PTPRD: variants seen among roughly 807,000 people sequenced by gnomAD.
The protein encoded by PTPRD is protein tyrosine phosphatase receptor type D, also known as receptor-type tyrosine-protein phosphatase delta.
PTPRD carries 34 observed loss-of-function variants against 214.5 expected under a neutral mutation model. The observed-to-expected ratio is 0.16, with a 90% confidence interval of 0.12 to 0.21. The LOEUF is 0.21. PTPRD is among the 10% of genes least tolerant of loss of function. The probability of loss-of-function intolerance (pLI) is 1.00; values close to 1 mark genes in which losing one functional copy is unlikely to be tolerated. For missense variants in PTPRD, 2,545 were observed against 2,398.7 expected (o/e 1.06, Z -1.27); for synonymous variants, 1,128 against 845.7 (o/e 1.33, Z -5.79).
At chr9:9,387,147 T>C (rs1169173140) in intron 9 of PTPRD, among the ~76,000 whole-genome samples, 1 of 152,206 alleles carries the variant, frequency 6.6e-6, no homozygotes, top group African/African-American at 2.4e-5. Flanking sequence ...CAACAGTAAA[T>C]GGAACACAGT....
At chr9:9,616,592 C>T (rs1483899136) in intron 7 of PTPRD, among the ~76,000 whole-genome samples, 3 of 152,034 alleles carry the variant, frequency 2.0e-5, no homozygotes, top group Non-Finnish European at 4.4e-5. Flanking sequence ...TGATCTTATT[C>T]GTGAGGGCTG....
intron 2 of PTPRD, among the ~76,000 whole-genome samples, chr9:10,360,939 A>AC (rs1218740475): frequency 1.3e-5 from 2 of 152,030 alleles, no homozygotes; most frequent in Admixed American, 1.3e-4. Context: ...CGTCTCTACT[A>AC]AAAATACAAA....
Position 8,406,202 on chromosome 9 carries a change from C to T in PTPRD, c.4087-1542G>A, listed in dbSNP as rs995176938. Among the ~76,000 whole-genome samples, 5 of 152,172 alleles carry T rather than the reference C, an allele frequency of 3.3e-5. No individual in the cohort carries two copies. The South Asian group carries it at 6.2e-4, about 19-fold the overall frequency. The stretch of plus-strand genomic sequence containing the variant: ...CCAGGGAAATTTTTCATCTCCCTTG[C>T]AGAAATTAATTATCTCCAAGCATGC... On this transcript the variant is annotated intron_variant, in intron 35 of 45. Transcript: ENST00000381196.
intron 5 of PTPRD, among the ~76,000 whole-genome samples, chr9:9,826,330 G>A (rs2052816955): frequency 6.6e-6 from 1 of 151,562 alleles, no homozygotes; most frequent in Non-Finnish European, 1.5e-5. Context: ...GCTCCTTTCT[G>A]AGATTTTCTA....
chr9:8,760,510 T>A (rs576061108), intron 11 of PTPRD, among the ~76,000 whole-genome samples: 79 of 152,104 alleles, frequency 5.2e-4, no homozygotes, highest in African/African-American at 1.8e-3. Flanking sequence ...TTCTATTTCC[T>A]CAAAATTTTT....
At chr9:8,513,011 C>A (rs1446646401) in intron 21 of PTPRD, among the ~76,000 whole-genome samples, 1 of 151,826 alleles carries the variant, frequency 6.6e-6, no homozygotes, top group African/African-American at 2.4e-5. Context: ...AATGTGTTTT[C>A]TAATAATGAA....
At chr9:10,494,475 T>A in intron 2 of PTPRD, among the ~76,000 whole-genome samples, 1 of 151,800 alleles carries the variant, frequency 6.6e-6, no homozygotes, top group East Asian at 1.9e-4. Flanking sequence ...GCCTAGATGC[T>A]ATTAGTCTCA....
chr9:9,340,075 G>A (rs1012892953), intron 9 of PTPRD, among the ~76,000 whole-genome samples: 5 of 152,044 alleles, frequency 3.3e-5, no homozygotes, highest in Admixed American at 2.6e-4. Flanking sequence ...TAGATAAATG[G>A]CACTCTAGGA....
intron 7 of PTPRD, among the ~76,000 whole-genome samples, chr9:9,586,849 T>C (rs2092058599): frequency 6.6e-6 from 1 of 151,980 alleles, no homozygotes; most frequent in South Asian, 2.1e-4. Context: ...TATATCACAT[T>C]TATTCCATTT....
intron 44 of PTPRD, among the ~76,000 whole-genome samples, chr9:8,320,884 C>A (rs144637952): frequency 7.9e-5 from 12 of 152,144 alleles, no homozygotes; most frequent in African/African-American, 2.4e-4. Flanking sequence ...AGTGAATAAT[C>A]TGAAAAATCC....
chr9:10,410,052 G>A (rs1258409344), intron 2 of PTPRD, among the ~76,000 whole-genome samples: 1 of 151,088 alleles, frequency 6.6e-6, no homozygotes, highest in Admixed American at 6.6e-5. Flanking sequence ...CGAATTCTTG[G>A]GATAATTTGG....
intron 11 of PTPRD, among the ~76,000 whole-genome samples, chr9:8,857,216 C>T (rs1683608098): frequency 6.6e-6 from 1 of 152,160 alleles, no homozygotes; most frequent in South Asian, 2.1e-4. Flanking sequence ...GCCCCCTCAC[C>T]GTAGTCAGCC....
intron 8 of PTPRD, among the ~76,000 whole-genome samples, chr9:9,499,667 C>T (rs1027579957): frequency 6.6e-6 from 1 of 152,006 alleles, no homozygotes; most frequent in Non-Finnish European, 1.5e-5. Context: ...CTCAGCAAAA[C>T]AGCCTGTTTC....
chr9:9,578,345 G>T (rs1422283660), intron 7 of PTPRD, among the ~76,000 whole-genome samples: 1 of 151,914 alleles, frequency 6.6e-6, no homozygotes, highest in Non-Finnish European at 1.5e-5. Flanking sequence ...TTTAATGAAT[G>T]GATTTATTGG....
chr9:9,397,201 T>C (rs573978356), intron 9 of PTPRD, among the ~76,000 whole-genome samples: 3 of 152,104 alleles, frequency 2.0e-5, no homozygotes, highest in African/African-American at 4.8e-5. Flanking sequence ...GATTGAGAGA[T>C]TGTTAAAGTT....
At chr9:9,151,203 CAATT>C (rs2099876458) in intron 10 of PTPRD, among the ~76,000 whole-genome samples, 2 of 152,218 alleles carry the variant, frequency 1.3e-5, no homozygotes, top group Admixed American at 1.3e-4. Flanking sequence ...TTCAGAATGA[CAATT>C]GTTTTGGGGA....
intron 9 of PTPRD, among the ~76,000 whole-genome samples, chr9:9,262,183 T>C (rs1312008111): frequency 6.6e-6 from 1 of 151,576 alleles, no homozygotes; most frequent in Non-Finnish European, 1.5e-5. Flanking sequence ...AAAATACTTC[T>C]TTTAAAAATA....
chr9:10,581,894 C>T (rs1478305263), intron 2 of PTPRD, among the ~76,000 whole-genome samples: 1 of 152,092 alleles, frequency 6.6e-6, no homozygotes, highest in Non-Finnish European at 1.5e-5. Context: ...CACCATCAAG[C>T]TACATCACCC....
intron 4 of PTPRD, among the ~76,000 whole-genome samples, chr9:10,008,642 C>G (rs1223958384): frequency 1.3e-5 from 2 of 151,736 alleles, no homozygotes; most frequent in Non-Finnish European, 3.0e-5. Context: ...CTCATCCTTC[C>G]TTATTTCAAG....
Sources: allele counts gnomAD v4.1 joint callset (sites outside exome capture counted in the v4.1 genomes callset), GRCh38; gene constraint gnomAD v4.1.1; transcripts MANE v1.5; gene names NCBI Gene and HGNC (gene_info 2026-07-23, HGNC 2026-07-21).